The following SIAE variants were observed in gnomAD, a reference collection of about 807,000 sequenced individuals.
SIAE encodes sialate O-acetylesterase.
In SIAE, 39 loss-of-function variants were observed where a neutral mutation model predicts 52.6. The observed-to-expected ratio is 0.74, with a 90% CI of 0.57 to 0.97. The LOEUF (loss-of-function observed/expected upper bound fraction) is 0.97. SIAE is among the 50% of genes least tolerant of loss of function. The probability of loss-of-function intolerance (pLI) is 0.00; values close to 1 mark genes in which losing one functional copy is unlikely to be tolerated. For missense variants in SIAE, 592 were observed against 662.1 expected (o/e 0.89, Z 1.16); for synonymous variants, 233 against 241.4 (o/e 0.97, Z 0.32).
rs533843845 is a variant in SIAE at position 124,651,400 on chromosome 11, T to C, written c.545-1604A>G. On this transcript the variant is annotated intron_variant, in intron 4 of 9. Transcript: ENST00000263593. ...ATCTCTACTAAAAATACAAAAAAAT[T>C]AGCTGGGTGTGGTGGCGCACACCTT... is the stretch of plus-strand genomic sequence containing the variant. Among the ~76,000 whole-genome samples the C allele has an allele frequency of 2.4e-4, 37 of 152,016 alleles. 1 individual carries two copies. In the South Asian group the frequency reaches 7.3e-3, roughly 30 times the overall value.
chr11:124,675,910 A>T (rs1047330692), upstream of SIAE: 1 of 153,368 alleles, frequency 6.5e-6, no homozygotes, highest in Non-Finnish European at 1.5e-5. Context: ...TCACTGGGGT[A>T]TATGAAACTG....
intron 4 of SIAE, chr11:124,654,129 G>A (rs1455040724): frequency 5.3e-6 from 4 of 757,546 alleles, no homozygotes; most frequent in Non-Finnish European, 6.4e-6. Flanking sequence ...GGTGAGCCAA[G>A]ATCACACCAC....
At chr11:124,669,227 C>T (rs1943314569) in intron 2 of SIAE, 133 bp downstream of exon 2, 6 of 1,221,734 alleles carry the variant, frequency 4.9e-6, no homozygotes, top group Non-Finnish European at 7.2e-6. Flanking sequence ...ATTCAAATAA[C>T]TTTTATGGAT....
At chr11:124,674,001 C>G (rs977226900), upstream of SIAE, 7 of 463,016 alleles carry the variant, frequency 1.5e-5, no homozygotes, top group Non-Finnish European at 2.7e-5. Flanking sequence ...CTAGCCTTTT[C>G]CCTTCGTCTC....
chr11:124,654,739 T>C lies in SIAE; in HGVS notation c.460A>G (p.Ile154Val). 6.2e-7 allele frequency: 1 copy of C among 1,614,118 alleles called. No individual in the cohort carries two copies. Among genetic ancestry groups the C allele is most frequent in the Non-Finnish European group, 8.5e-7 (1 of 1,180,024 alleles). The change falls in exon 4 of 10, where the codon ATC becomes GTC. Residue 154 changes from isoleucine to valine, a missense_variant. Coordinates refer to ENST00000263593, the MANE Select transcript of SIAE (RefSeq NM_170601.5). ...GCTTGAATGGGAGAGACAGAGAGGA[T>C]GCGGACAGACTGATATGCCGCAGTG... ...SNTAAYQSVR[I>V]LSVSPIQAEQ...
At chr11:124,668,970 T>G (rs772065538) in intron 2 of SIAE, among the ~76,000 whole-genome samples, 4 of 152,142 alleles carry the variant, frequency 2.6e-5, no homozygotes, top group Non-Finnish European at 5.9e-5. Context: ...CCATACTGCC[T>G]CTCCTCTATA....
intron 3 of SIAE, 121 bp from the exon 4 acceptor site, chr11:124,654,914 C>A: frequency 8.7e-7 from 1 of 1,151,168 alleles, no homozygotes; most frequent in Non-Finnish European, 1.3e-6. Context: ...AATTAATAAC[C>A]AAAACCAATG....
intron 7 of SIAE, among the ~76,000 whole-genome samples, chr11:124,640,533 C>G (rs1337551184): frequency 6.6e-6 from 1 of 152,080 alleles, no homozygotes; most frequent in African/African-American, 2.4e-5. Flanking sequence ...TAGCTTGTTA[C>G]AAAGCAATAG....
rs760576733 is a variant in SIAE at position 124,654,638 on chromosome 11, T to C, written c.544+17A>G. ...AACCCATTATATAAGAGACAGCACGTTCAAGCCGTCACATACCTGAGGTGG... is the reference window on the plus strand; with the variant it reads ...AACCCATTATATAAGAGACAGCACGCTCAAGCCGTCACATACCTGAGGTGG... On this transcript the variant is annotated intron_variant, in intron 4 of 9. Coordinates refer to ENST00000263593, the MANE Select transcript of SIAE (RefSeq NM_170601.5). The C allele has an allele frequency of 6.2e-7, 1 of 1,614,054 alleles. No homozygotes were observed. The highest frequency in any genetic ancestry group is 1.1e-5 in the South Asian group (1 of 91,078).
chr11:124,664,228 A>T (rs578176908), intron 2 of SIAE, among the ~76,000 whole-genome samples: 1 of 150,122 alleles, frequency 6.7e-6, no homozygotes, highest in Non-Finnish European at 1.5e-5. Context: ...CATTTCTGGT[A>T]GCCTATTTCT....
chr11:124,641,074 T>C (rs1942837385), intron 7 of SIAE, among the ~76,000 whole-genome samples: 2 of 152,202 alleles, frequency 1.3e-5, no homozygotes, highest in Admixed American at 6.5e-5. Context: ...CTGGTACAAG[T>C]ACTTTACAGC....
At chr11:124,666,898 C>T (rs7119225) in intron 2 of SIAE, among the ~76,000 whole-genome samples, 20,191 of 152,160 alleles carry the variant, frequency 0.13, 3,371 homozygotes, top group African/African-American at 0.39. Context: ...GGGAGGCTTC[C>T]CTCCTAATTA....
chr11:124,643,154 C>G (rs868467831), intron 7 of SIAE, among the ~76,000 whole-genome samples: 3 of 152,138 alleles, frequency 2.0e-5, no homozygotes, highest in South Asian at 2.1e-4. Flanking sequence ...ACTAAAACAG[C>G]AGGAAAAGAA....
At position 124,649,676 on chromosome 11, in the gene SIAE, G is replaced by C; in HGVS notation, c.665C>G (p.Pro222Arg). The C allele has an allele frequency of 1.2e-6, 2 of 1,614,178 alleles. No individual in the cohort carries two copies. The highest frequency in any genetic ancestry group is 8.5e-7 in the Non-Finnish European group (1 of 1,180,044). The change falls in exon 5 of 10, where the codon CCC becomes CGC. Residue 222 changes from proline to arginine, a missense_variant. Pro to Arg is a moderately radical substitution (Grantham distance 103). Coordinates refer to ENST00000263593, the MANE Select transcript of SIAE (RefSeq NM_170601.5). ...GLIASSWGGT[P>R]IEAWSSGRSL... ...CCGTCCAGATGACCAGGCTTCAATG[G>C]GTGTCCCGCCCCAGCTGGAGGCGAT...
rs1342768356 is a variant in SIAE at position 124,636,111 on chromosome 11, T to A, written c.*840A>T. 6.6e-6 allele frequency: 1 copy of A among 152,136 alleles called. No individual in the cohort carries two copies. The highest frequency in any genetic ancestry group is 1.5e-5 in the Non-Finnish European group (1 of 68,048). The allele number at this position is 152,136 out of a possible 1,614,324, so 9.4% of individuals were successfully genotyped here. A position where few individuals can be genotyped will look rare whatever the true frequency, so the allele number is the denominator to read the frequency against. The stretch of plus-strand genomic sequence containing the variant: ...GTGTTCATGTTTTCCTAAGCCAGAG[T>A]TTCCCACGCCTCCTGTTCCTGGCAG... On this transcript the variant is annotated 3_prime_UTR_variant, in exon 10 of 10. Coordinates refer to ENST00000263593, the MANE Select transcript of SIAE (RefSeq NM_170601.5).
chr11:124,641,130 T>C (rs1316990418), intron 7 of SIAE, among the ~76,000 whole-genome samples: 2 of 152,270 alleles, frequency 1.3e-5, no homozygotes, highest in East Asian at 3.9e-4. Context: ...AACATAAGGA[T>C]TGAATGGGTT....
intron 7 of SIAE, among the ~76,000 whole-genome samples, chr11:124,641,907 C>T (rs930488604): frequency 6.7e-6 from 1 of 148,378 alleles, no homozygotes; most frequent in African/African-American, 2.5e-5. Flanking sequence ...TTGCAGTGAG[C>T]CAAGATTGTG....
intron 2 of SIAE, among the ~76,000 whole-genome samples, chr11:124,664,045 C>T (rs1030205627): frequency 1.3e-5 from 2 of 152,164 alleles, no homozygotes; most frequent in Admixed American, 6.5e-5. Context: ...CATTTTTTCT[C>T]GTACCACCTA....
intron 8 of SIAE, among the ~76,000 whole-genome samples, chr11:124,639,434 A>T (rs1458437967): frequency 6.6e-6 from 1 of 152,234 alleles, no homozygotes; most frequent in Non-Finnish European, 1.5e-5. Context: ...GCATAGGTCA[A>T]CTTGGAGCCT....
Sources: allele counts gnomAD v4.1 joint callset (sites outside exome capture counted in the v4.1 genomes callset), GRCh38; gene constraint gnomAD v4.1.1; transcripts MANE v1.5; gene names NCBI Gene and HGNC (gene_info 2026-07-23, HGNC 2026-07-21).